CNR2: variants seen among roughly 807,000 people sequenced by gnomAD.
CNR2 encodes the protein cannabinoid receptor 2, also known as cannabinoid receptor 2 (macrophage).
For synonymous variants in CNR2, 172 were observed against 182.2 expected (o/e 0.94, Z 0.45); for missense variants, 379 against 439.9 (o/e 0.86, Z 1.24).
chr1:23,890,637 C>T (rs1288808910), intron 1 of CNR2, among the ~76,000 whole-genome samples: 5 of 151,436 alleles, frequency 3.3e-5, no homozygotes, highest in African/African-American at 4.9e-5. Context: ...CCCAGCTACT[C>T]GGGAGGCTGA....
At chr1:23,888,988 AAAG>A (rs760433549) in intron 1 of CNR2, among the ~76,000 whole-genome samples, 170 of 152,232 alleles carry the variant, frequency 1.1e-3, no homozygotes, top group Non-Finnish European at 1.7e-3. Context: ...ATAAATAAAT[AAAG>A]AAGAAGAAAA....
intron 1 of CNR2, among the ~76,000 whole-genome samples, chr1:23,897,283 C>T (rs543629685): frequency 2.0e-5 from 3 of 152,042 alleles, no homozygotes; most frequent in African/African-American, 7.2e-5. Flanking sequence ...AAAGAGCTGG[C>T]GAGAGAAAGG....
chr1:23,896,383 A>G (rs566184738), intron 1 of CNR2, among the ~76,000 whole-genome samples: 7 of 152,378 alleles, frequency 4.6e-5, no homozygotes, highest in Admixed American at 2.6e-4. Context: ...AACAGGAGTA[A>G]CAAGTAGTAC....
At chr1:23,888,736 C>G (rs189584555) in intron 1 of CNR2, among the ~76,000 whole-genome samples, 1 of 152,070 alleles carries the variant, frequency 6.6e-6, no homozygotes, top group South Asian at 2.1e-4. Flanking sequence ...TTTGGGAGGC[C>G]GAGGAGGGCA....
At chr1:23,881,981 G>A (rs1639996003) in intron 1 of CNR2, among the ~76,000 whole-genome samples, 1 of 150,986 alleles carries the variant, frequency 6.6e-6, no homozygotes, top group African/African-American at 2.4e-5. Context: ...GAGTGCAGTG[G>A]AGCAGTCTTG....
chr1:23,901,458 C>T (rs1640397541), intron 1 of CNR2: 10 of 1,534,704 alleles, frequency 6.5e-6, no homozygotes, highest in African/African-American at 2.8e-5. Context: ...CTGCTGCAGC[C>T]TCCCCGGGCA....
intron 1 of CNR2, among the ~76,000 whole-genome samples, chr1:23,896,407 G>A (rs755627872): frequency 1.3e-5 from 2 of 152,236 alleles, no homozygotes; most frequent in Non-Finnish European, 2.9e-5. Context: ...TCTCATCAGT[G>A]GTGGGGAGGC....
At chr1:23,888,699 G>A (rs1008772269) in intron 1 of CNR2, among the ~76,000 whole-genome samples, 7 of 152,142 alleles carry the variant, frequency 4.6e-5, no homozygotes, top group African/African-American at 1.4e-4. Flanking sequence ...GGCCAGGCGC[G>A]GTGGCTCACG....
Position 23,875,113 on chromosome 1 carries a change from G to C in CNR2, c.505C>G (p.Leu169Val). ...CTGGGACAGCAAGTCCATCCCATGA[G>C]GGGCAGGTAGGAGACTAGTGCTGAG... ...VLSALVSYLP[L>V]MGWTCCPRPC... is the part of the protein sequence containing the mutation. Residue 169 changes from leucine to valine, a missense_variant, in exon 2 of 2, where the codon CTC becomes GTC. Physicochemically the swap from Leu to Val is conservative, Grantham distance 32. Transcript: ENST00000374472. 1 of 1,604,294 alleles carries C rather than the reference G, an allele frequency of 6.2e-7. No homozygotes were observed. Among genetic ancestry groups the C allele is most frequent in the Non-Finnish European group, 8.5e-7 (1 of 1,174,604 alleles).
intron 1 of CNR2, among the ~76,000 whole-genome samples, chr1:23,890,384 A>G (rs908859306): frequency 6.6e-6 from 1 of 152,056 alleles, no homozygotes; most frequent in Non-Finnish European, 1.5e-5. Context: ...CTCAGCTGAC[A>G]CTTTGCCACC....
chr1:23,908,577 A>G (rs1640536467), intron 1 of CNR2, among the ~76,000 whole-genome samples: 1 of 152,228 alleles, frequency 6.6e-6, no homozygotes, highest in Non-Finnish European at 1.5e-5. Flanking sequence ...TAGTGGGAAA[A>G]GCTGGTAGAA....
intron 1 of CNR2, among the ~76,000 whole-genome samples, chr1:23,898,994 A>G (rs186173485): frequency 1.1e-4 from 17 of 152,198 alleles, no homozygotes; most frequent in Admixed American, 2.0e-4. Flanking sequence ...TCTATTTTTG[A>G]TGGACAAATA....
At chr1:23,885,748 T>C (rs1307435002) in intron 1 of CNR2, among the ~76,000 whole-genome samples, 5 of 151,354 alleles carry the variant, frequency 3.3e-5, no homozygotes, top group Non-Finnish European at 7.4e-5. Flanking sequence ...CGTGGTGGCG[T>C]GCGCCTGTAA....
At chr1:23,889,726 G>A (rs1640153702) in intron 1 of CNR2, among the ~76,000 whole-genome samples, 2 of 152,166 alleles carry the variant, frequency 1.3e-5, no homozygotes, top group Non-Finnish European at 2.9e-5. Context: ...AATGTCACAG[G>A]TTTGGGAACC....
intron 1 of CNR2, chr1:23,901,614 T>G: frequency 1.9e-6 from 3 of 1,602,368 alleles, no homozygotes; most frequent in South Asian, 2.2e-5. Flanking sequence ...CTGAGGTTGC[T>G]GCCGTCCAGA....
chr1:23,885,096 G>A (rs1243103724), intron 1 of CNR2, among the ~76,000 whole-genome samples: 1 of 151,992 alleles, frequency 6.6e-6, no homozygotes. Context: ...CACCATGCCC[G>A]GCCTCAAAAA....
rs761725003 is a variant in CNR2, at chr1:23,875,261, G to T, written c.357C>A (p.Ala119=). ...CGGTCAGCAGGAGGCTACCCACAGA[G>T]GCTGTGAAGGTCATAGTCACGCTGC... is the stretch of plus-strand genomic sequence containing the variant. ...KIGSVTMTFT[A]SVGSLLLTAI... is the part of the protein sequence containing the mutation. The change falls in exon 2 of 2, where the codon GCC becomes GCA. Residue 119 remains alanine, a synonymous_variant. Coordinates refer to ENST00000374472, the MANE Select transcript of CNR2 (RefSeq NM_001841.3). 3.1e-6 allele frequency: 5 copies of T among 1,614,096 alleles called. No individual in the cohort carries two copies. Among genetic ancestry groups the T allele is most frequent in the Non-Finnish European group, 4.2e-6 (5 of 1,180,064 alleles).
chr1:23,878,807 T>C (rs1339508532), intron 1 of CNR2, among the ~76,000 whole-genome samples: 12 of 152,168 alleles, frequency 7.9e-5, no homozygotes, highest in Admixed American at 7.9e-4. Context: ...AAGAGAACCA[T>C]AATTAATTTT....
At chr1:23,902,151 C>T (rs1640411141) in intron 1 of CNR2, 2 of 1,415,772 alleles carry the variant, frequency 1.4e-6, no homozygotes, top group Admixed American at 1.7e-5. Flanking sequence ...GCAGCCCCTG[C>T]CTCTTGCACT....
Sources: gnomAD v4.1 joint callset for allele counts (sites outside exome capture counted in the v4.1 genomes callset) on GRCh38, gnomAD v4.1.1 for gene constraint, MANE v1.5 for transcripts, NCBI Gene and HGNC (gene_info 2026-07-23, HGNC 2026-07-21) for gene names.